ANKRD30BL: variants seen among roughly 807,000 people sequenced by gnomAD.
The protein encoded by ANKRD30BL is putative ankyrin repeat domain-containing protein 30B-like.
ANKRD30BL carries 20 observed loss-of-function variants against 18.4 expected under a neutral mutation model. The observed-to-expected ratio is 1.09, with a 90% CI of 0.77 to 1.58. The LOEUF (loss-of-function observed/expected upper bound fraction) is 1.58, where lower values mean the gene tolerates loss of function less well. ANKRD30BL is among the 40% of genes most tolerant of loss of function. ANKRD30BL has a pLI of 0.00. For synonymous variants in ANKRD30BL, 72 were observed against 100.9 expected, an observed-to-expected ratio of 0.71 and a Z score of 1.72; for missense variants, 224 against 268.6, an observed-to-expected ratio of 0.83 and a Z score of 1.16.
At chr2:132,204,601 C>T (rs566938546) in intron 1 of ANKRD30BL, among the ~76,000 whole-genome samples, 2 of 152,040 alleles carry the variant, frequency 1.3e-5, no homozygotes, top group South Asian at 4.1e-4. Context: ...GCAGTACAGG[C>T]ATGATGTGAT....
At chr2:132,253,968 G>T (rs547949234) in intron 1 of ANKRD30BL, among the ~76,000 whole-genome samples, 1 of 152,062 alleles carries the variant, frequency 6.6e-6, no homozygotes, top group South Asian at 2.1e-4. Context: ...GAGTGGGCAG[G>T]ATGGGGCTGG....
At chr2:132,228,474 A>T (rs1293025429) in intron 1 of ANKRD30BL, among the ~76,000 whole-genome samples, 2 of 151,824 alleles carry the variant, frequency 1.3e-5, no homozygotes, top group African/African-American at 2.4e-5. Context: ...CTTCTTTGTG[A>T]TGTGTGCATT....
At chr2:132,241,514 T>A (rs1680324762) in intron 1 of ANKRD30BL, among the ~76,000 whole-genome samples, 1 of 151,792 alleles carries the variant, frequency 6.6e-6, no homozygotes. Flanking sequence ...AAGAATTATC[T>A]TCACATAATA....
At chr2:132,233,716 G>A (rs1269284483) in intron 1 of ANKRD30BL, among the ~76,000 whole-genome samples, 33 of 145,242 alleles carry the variant, frequency 2.3e-4, no homozygotes, top group African/African-American at 8.2e-4. Context: ...AAGAGACTTA[G>A]ACTCCCACAC....
At chr2:132,169,722 A>G (rs1274508901) in intron 1 of ANKRD30BL, among the ~76,000 whole-genome samples, 1 of 151,958 alleles carries the variant, frequency 6.6e-6, no homozygotes, top group East Asian at 1.9e-4. Flanking sequence ...AGAGACTGTA[A>G]TAGGAAATTG....
chr2:132,252,805 A>G (rs75395416), intron 1 of ANKRD30BL, among the ~76,000 whole-genome samples: 1 of 151,568 alleles, frequency 6.6e-6, no homozygotes, highest in Admixed American at 6.6e-5. Flanking sequence ...AATGAACCCC[A>G]CACCATGAGC....
chr2:132,152,539 A>G (rs1225688404), intron 4 of ANKRD30BL: 2 of 152,194 alleles, frequency 1.3e-5, no homozygotes, highest in Non-Finnish European at 2.9e-5. Context: ...TTAGGAAAAA[A>G]GAATCACTTG....
At chr2:132,183,079 G>C (rs1688501394) in intron 1 of ANKRD30BL, among the ~76,000 whole-genome samples, 1 of 150,876 alleles carries the variant, frequency 6.6e-6, no homozygotes, top group South Asian at 2.1e-4. Context: ...ATCTTTGAGA[G>C]TCTTTTTTCA....
Position 132,161,507 on chromosome 2 carries a change from T to G in ANKRD30BL, c.199A>C (p.Ile67Leu), listed in dbSNP as rs1320023197. 6.9e-7 allele frequency: 1 copy of G among 1,456,566 alleles called. No individual in the cohort carries two copies. The highest frequency in any genetic ancestry group is 1.4e-5 in the African/African-American group (1 of 70,792). 90.2% of individuals were successfully genotyped at this position (1,456,566 alleles called of 1,614,324 possible). A position where few individuals can be genotyped will look rare whatever the true frequency, so the allele number is the denominator to read the frequency against. ...MMKKTTMDLN[I>L]RDAKKRTALY... ...TGGTACCTCTTCTTCGCATCTCTTA[T>G]GTTCAGGTCCATTGTCGTCTTCTTC... The change falls in exon 1 of 6, where the codon ATA becomes CTA. Residue 67 changes from isoleucine to leucine, a missense_variant. Physicochemically the swap from Ile to Leu is conservative, Grantham distance 5 (BLOSUM62 2). Around this residue, in one of 3 missense-constraint regions of ANKRD30BL, gnomAD observed 131 missense variants for 128.8 expected, o/e 1.02. Transcript: ENST00000409867.
At chr2:132,254,234 G>A (rs1290886935) in intron 1 of ANKRD30BL, among the ~76,000 whole-genome samples, 1 of 151,942 alleles carries the variant, frequency 6.6e-6, no homozygotes, top group Non-Finnish European at 1.5e-5. Context: ...GGGGCAGGTG[G>A]GGCCATGCAA....
intron 1 of ANKRD30BL, among the ~76,000 whole-genome samples, chr2:132,167,275 T>TTTTTTTTTTATTTTATTTTA (rs1553470413): frequency 9.0e-6 from 1 of 111,176 alleles, no homozygotes; most frequent in Non-Finnish European, 1.8e-5. Context: ...CATTCATTTA[T>TTTTTTTTTTATTTTATTTTA]TTTTATTTTA....
intron 1 of ANKRD30BL, among the ~76,000 whole-genome samples, chr2:132,204,402 CAT>C (rs944828860): frequency 5.3e-5 from 8 of 151,216 alleles, no homozygotes; most frequent in South Asian, 4.2e-4. Context: ...AAATATATAG[CAT>C]ATATATATAG....
chr2:132,204,368 A>T (rs2104750462), intron 1 of ANKRD30BL, among the ~76,000 whole-genome samples: 1 of 152,108 alleles, frequency 6.6e-6, no homozygotes, highest in South Asian at 2.1e-4. Flanking sequence ...AATTTTTAAA[A>T]GCATAGTGGG....
intron 1 of ANKRD30BL, among the ~76,000 whole-genome samples, chr2:132,226,163 G>A (rs34979993): frequency 5.2e-4 from 79 of 151,904 alleles, no homozygotes; most frequent in African/African-American, 1.5e-3. Context: ...AGAGGCCTTC[G>A]TTGGAAACGG....
intron 1 of ANKRD30BL, among the ~76,000 whole-genome samples, chr2:132,215,269 G>A (rs1679467524): frequency 6.6e-6 from 1 of 152,362 alleles, no homozygotes; most frequent in African/African-American, 2.4e-5. Context: ...TCTTTTGATT[G>A]AGCAGTTTGG....
intron 1 of ANKRD30BL, among the ~76,000 whole-genome samples, chr2:132,256,804 C>T (rs72869455): frequency 6.6e-6 from 1 of 151,908 alleles, no homozygotes; most frequent in Non-Finnish European, 1.5e-5. Context: ...GGCGCCCCAC[C>T]AGGCAGAGCC....
intron 1 of ANKRD30BL, chr2:132,257,470 C>T (rs796239307): frequency 7.4e-6 from 2 of 270,668 alleles, no homozygotes; most frequent in Non-Finnish European, 1.4e-5. Flanking sequence ...CAGTAGGCGA[C>T]GAGCTTCCCT....
At chr2:132,240,735 CA>C (rs1680293315) in intron 1 of ANKRD30BL, among the ~76,000 whole-genome samples, 2 of 151,696 alleles carry the variant, frequency 1.3e-5, no homozygotes, top group Non-Finnish European at 2.9e-5. Context: ...CAGAGTTGAA[CA>C]TTACCTTTCA....
chr2:132,201,152 T>C (rs13423053), intron 1 of ANKRD30BL, among the ~76,000 whole-genome samples: 2 of 151,756 alleles, frequency 1.3e-5, no homozygotes, highest in African/African-American at 4.9e-5. Context: ...ATTCAAGATG[T>C]ATTAAAGACT....
Sources: gnomAD v4.1 joint callset for allele counts (sites outside exome capture counted in the v4.1 genomes callset) on GRCh38, gnomAD v4.1.1 for gene constraint, gnomAD v4.1.1 regional missense constraint, MANE v1.5 for transcripts, NCBI Gene and HGNC (gene_info 2026-07-23, HGNC 2026-07-21) for gene names.